RAPGEF2: variants seen among roughly 807,000 people sequenced by gnomAD.
RAPGEF2 encodes the protein Rap guanine nucleotide exchange factor 2.
Under a neutral mutation model 186.7 loss-of-function variants are expected in RAPGEF2, and 54 were observed. The observed-to-expected ratio is 0.29, with a 90% confidence interval of 0.23 to 0.36. The LOEUF is 0.36. Ranked by LOEUF, RAPGEF2 falls within the 10% of genes least tolerant of loss-of-function variation. RAPGEF2 has a pLI of 1.00. For missense variants in RAPGEF2, 1,532 were observed against 2,045.0 expected, an observed-to-expected ratio of 0.75 and a Z score of 4.84; for synonymous variants, 712 against 705.9, an observed-to-expected ratio of 1.01 and a Z score of -0.14.
At chr4:159,331,352 T>C (rs1332365110) in intron 13 of RAPGEF2, 79 bp from the exon 14 acceptor site, 2 of 770,630 alleles carry the variant, frequency 2.6e-6, no homozygotes, top group Non-Finnish European at 4.2e-6. Flanking sequence ...ATTTGAAAGT[T>C]GGATATCTTT....
intron 22 of RAPGEF2, 48 bp downstream of exon 22, chr4:159,343,452 AT>A: frequency 6.3e-7 from 1 of 1,584,740 alleles, no homozygotes; most frequent in Non-Finnish European, 8.6e-7. Context: ...AGAAGGTTAA[AT>A]TTAGAGCTTC....
chr4:159,163,421 A>C (rs552080387), intron 1 of RAPGEF2, among the ~76,000 whole-genome samples: 3,175 of 152,276 alleles, frequency 0.021, 113 homozygotes, highest in African/African-American at 0.072. Flanking sequence ...CTGGGGTGGT[A>C]AAAATGGTTG....
At chr4:159,148,072 G>A (rs1008451538) in intron 1 of RAPGEF2, among the ~76,000 whole-genome samples, 1 of 151,006 alleles carries the variant, frequency 6.6e-6, no homozygotes, top group Non-Finnish European at 1.5e-5. Flanking sequence ...GCTAAGAACT[G>A]TTTTGTTTTT....
At position 159,338,442 on chromosome 4, in the gene RAPGEF2, G is replaced by A. The variant is rs754181086; in HGVS notation, c.2267G>A (p.Arg756His). 2.4e-5 allele frequency: 39 copies of A among 1,613,684 alleles called. No individual in the cohort carries two copies. The highest frequency in any genetic ancestry group is 1.6e-4 in the Middle Eastern group (1 of 6,084). Residue 756 changes from arginine (R) to histidine (H), a missense_variant, in exon 18 of 30, where the codon CGC becomes CAC. Physicochemically the swap from Arg to His is conservative, Grantham distance 29. Around this residue, in one of 4 missense-constraint regions of RAPGEF2, gnomAD observed 810 missense variants for 1,210.5 expected, o/e 0.67. Transcript: ENST00000691494. ...SNPDLLQSHH[R>H]ILDFSATPDL... ...CCTGATTTATTGCAGTCACATCATC[G>A]CATTTTAGACTTCAGTGCTACTCCT...
intron 1 of RAPGEF2, among the ~76,000 whole-genome samples, chr4:159,185,872 ATAGATCTGTTGTAGAT>A (rs1025590968): frequency 6.6e-6 from 1 of 152,186 alleles, no homozygotes; most frequent in African/African-American, 2.4e-5. Context: ...ATTTCTTAAA[ATAGATCTGTTGTAGAT>A]TTTGACTAAG....
At chr4:159,176,440 C>T (rs1046400654) in intron 1 of RAPGEF2, among the ~76,000 whole-genome samples, 3 of 151,964 alleles carry the variant, frequency 2.0e-5, no homozygotes, top group Non-Finnish European at 4.4e-5. Context: ...ATATGCTATA[C>T]AATGTTGTAT....
chr4:159,129,282 C>T (rs1397656855), intron 1 of RAPGEF2, among the ~76,000 whole-genome samples: 7 of 152,084 alleles, frequency 4.6e-5, no homozygotes, highest in South Asian at 4.1e-4. Flanking sequence ...CTAGTTATCT[C>T]TTAAGAGTTA....
At chr4:159,135,067 G>A (rs114334037) in intron 1 of RAPGEF2, among the ~76,000 whole-genome samples, 3,674 of 152,190 alleles carry the variant, frequency 0.024, 140 homozygotes, top group African/African-American at 0.083. Context: ...TTTTGAGACA[G>A]GAGTCTCACT....
At chr4:159,265,870 A>T (rs955938326) in intron 7 of RAPGEF2, among the ~76,000 whole-genome samples, 1 of 152,208 alleles carries the variant, frequency 6.6e-6, no homozygotes, top group Non-Finnish European at 1.5e-5. Flanking sequence ...TAATAAACAG[A>T]TGTTGTGATG....
chr4:159,251,109 G>C (rs922544799), intron 7 of RAPGEF2, among the ~76,000 whole-genome samples: 2 of 152,170 alleles, frequency 1.3e-5, no homozygotes, highest in Non-Finnish European at 2.9e-5. Context: ...AGCACTGCCA[G>C]CTGGCCCGCC....
At chr4:159,333,193 T>C (rs1388272506) in intron 17 of RAPGEF2, among the ~76,000 whole-genome samples, 3 of 152,046 alleles carry the variant, frequency 2.0e-5, no homozygotes, top group Non-Finnish European at 4.4e-5. Flanking sequence ...TTGGCCAGGC[T>C]GGTCTTGAAC....
chr4:159,191,516 G>A (rs189558381), intron 2 of RAPGEF2, among the ~76,000 whole-genome samples: 81 of 152,280 alleles, frequency 5.3e-4, no homozygotes, highest in African/African-American at 1.9e-3. Context: ...CAAGGTGGAC[G>A]GATCACGAGG....
intron 5 of RAPGEF2, among the ~76,000 whole-genome samples, 178 bp downstream of exon 5, chr4:159,239,062 T>G (rs997497929): frequency 6.6e-6 from 1 of 152,158 alleles, no homozygotes; most frequent in African/African-American, 2.4e-5. Context: ...CATAATCATA[T>G]TTTATTATTT....
intron 7 of RAPGEF2, among the ~76,000 whole-genome samples, chr4:159,277,627 G>A (rs906771442): frequency 9.9e-5 from 15 of 152,170 alleles, no homozygotes; most frequent in African/African-American, 1.4e-4. Flanking sequence ...TCTAACTGGC[G>A]TAAGATGGTA....
At chr4:159,263,131 G>C (rs932252359) in intron 7 of RAPGEF2, among the ~76,000 whole-genome samples, 7 of 152,078 alleles carry the variant, frequency 4.6e-5, no homozygotes, top group African/African-American at 1.7e-4. Context: ...GACTGCTTTG[G>C]GTGGGGTGTG....
intron 7 of RAPGEF2, chr4:159,282,738 A>G (rs879150133): frequency 1.1e-4 from 42 of 390,444 alleles, no homozygotes; most frequent in South Asian, 7.9e-4. Context: ...ACAACTTAAT[A>G]TAGATTATAG....
rs761237046 is a variant in RAPGEF2 at position 159,352,775 on chromosome 4, C to T, written c.3956C>T (p.Ser1319Leu). 1.3e-5 allele frequency: 21 copies of T among 1,614,008 alleles called. No homozygotes were observed. Among genetic ancestry groups the T allele is most frequent in the Non-Finnish European group, 1.7e-5 (20 of 1,180,014 alleles). Reference sequence around the variant, plus strand: ...TCACGATCCAGTATTGTTAGCAATTCGTCTTTTGACTCAGTGCCAGTCTCA... The same window carrying T: ...TCACGATCCAGTATTGTTAGCAATTTGTCTTTTGACTCAGTGCCAGTCTCA... Reference protein sequence around the residue: ...ISSRSSIVSNSSFDSVPVSLH... With the variant: ...ISSRSSIVSNLSFDSVPVSLH... The change falls in exon 27 of 30, where the codon TCG becomes TTG. Residue 1319 changes from serine (S) to leucine (L), a missense_variant. This residue lies in a region of RAPGEF2 where 594 missense variants were observed against 608.5 expected (regional missense o/e 0.98). Transcript: ENST00000691494.
At chr4:159,354,331 T>A (rs1731645489) in intron 28 of RAPGEF2, among the ~76,000 whole-genome samples, 2 of 152,200 alleles carry the variant, frequency 1.3e-5, no homozygotes, top group African/African-American at 4.8e-5. Context: ...CTAGTCTAAT[T>A]TTTTTCTCTT....
intron 2 of RAPGEF2, 88 bp downstream of exon 2, chr4:159,186,800 C>G: frequency 1.4e-6 from 1 of 702,946 alleles, no homozygotes; most frequent in Non-Finnish European, 2.3e-6. Flanking sequence ...TACTTTTATT[C>G]TTACTTGACA....
Sources: gnomAD v4.1 joint callset for allele counts (sites outside exome capture counted in the v4.1 genomes callset) on GRCh38, gnomAD v4.1.1 for gene constraint, gnomAD v4.1.1 regional missense constraint, MANE v1.5 for transcripts, NCBI Gene and HGNC (gene_info 2026-07-23, HGNC 2026-07-21) for gene names.